MPZL1: variants seen among roughly 807,000 people sequenced by gnomAD.
MPZL1 encodes myelin protein zero-like protein 1.
A neutral mutation model predicts 29.3 loss-of-function variants in MPZL1; 16 were observed. The ratio of observed to expected loss-of-function variants is 0.55; its 90% CI spans 0.37 to 0.83. MPZL1 has a LOEUF of 0.83. Ranked by LOEUF, MPZL1 falls within the 40% of genes least tolerant of loss-of-function variation. The probability of loss-of-function intolerance (pLI) is 0.00; values close to 1 mark genes in which losing one functional copy is unlikely to be tolerated. For missense variants in MPZL1, 279 were observed against 332.9 expected (o/e 0.84, Z 1.26); for synonymous variants, 143 against 132.0 (o/e 1.08, Z -0.57).
rs1410990734 is a variant in MPZL1, at chr1:167,788,160, A to G, written c.*239A>G. On this transcript the variant is annotated 3_prime_UTR_variant, in exon 6 of 6. Transcript: ENST00000359523. Reference sequence around the variant, plus strand: ...ATGGTATGATTCTACATATGTACCCATTGTCTTGCTGTTTTTGTACTTTCT... The same window carrying G: ...ATGGTATGATTCTACATATGTACCCGTTGTCTTGCTGTTTTTGTACTTTCT... 2.5e-6 allele frequency: 1 copy of G among 396,094 alleles called. No homozygotes were observed. Among genetic ancestry groups the G allele is most frequent in the East Asian group, 4.0e-5 (1 of 24,716 alleles). 24.5% of individuals were successfully genotyped at this position (396,094 alleles called of 1,614,324 possible). A position where few individuals can be genotyped will look rare whatever the true frequency, so the allele number is the denominator to read the frequency against.
rs771709540 is a variant in MPZL1 at position 167,773,382 on chromosome 1, T to C, written c.605+14T>C. ...GGATTACACTGGGTAAGAAACACTG[T>C]TTTTTTAGGGCAGGGGTGGAGGGAG... On this transcript the variant is annotated intron_variant, in intron 4 of 5. Transcript: ENST00000359523. The C allele has an allele frequency of 1.2e-6, 2 of 1,606,916 alleles. No individual in the cohort carries two copies. Among genetic ancestry groups the C allele is most frequent in the East Asian group, 2.2e-5 (1 of 44,704 alleles).
At chr1:167,770,736 A>T (rs1374617657) in intron 2 of MPZL1, among the ~76,000 whole-genome samples, 1 of 152,188 alleles carries the variant, frequency 6.6e-6, no homozygotes, top group Non-Finnish European at 1.5e-5. Flanking sequence ...ATTGGCTTTG[A>T]AGACTCAGAT....
intron 5 of MPZL1, among the ~76,000 whole-genome samples, chr1:167,779,414 A>G (rs1473062701): frequency 6.6e-6 from 1 of 151,758 alleles, no homozygotes; most frequent in African/African-American, 2.4e-5. Context: ...GCAAAACCCC[A>G]TCTCTCCTAA....
chr1:167,729,350 T>C (rs1660219102), intron 1 of MPZL1, among the ~76,000 whole-genome samples: 1 of 152,114 alleles, frequency 6.6e-6, no homozygotes, highest in African/African-American at 2.4e-5. Flanking sequence ...GTTTACAATG[T>C]GGAGTTATAT....
intron 5 of MPZL1, among the ~76,000 whole-genome samples, chr1:167,785,554 G>A (rs1174317565): frequency 4.6e-5 from 7 of 152,178 alleles, no homozygotes; most frequent in African/African-American, 9.7e-5. Flanking sequence ...GCATTATGTT[G>A]CAAAGAGTAA....
intron 1 of MPZL1, among the ~76,000 whole-genome samples, chr1:167,728,562 A>G (rs140575974): frequency 0.011 from 1,647 of 151,890 alleles, 30 homozygotes; most frequent in African/African-American, 0.037. Flanking sequence ...TTCACTTAAC[A>G]ATTTTTTCTT....
At position 167,791,287 on chromosome 1, in the gene MPZL1, GGATGGAT is replaced by G. The variant is rs1435006191; in HGVS notation, c.*3369_*3375del. The stretch of plus-strand genomic sequence containing the variant: ...CTTAGCTGCTCAATACATGTTACGT[GGATGGAT>G]GAGTAGGTGGAAGCATTCATCCATT... On this transcript the variant is annotated 3_prime_UTR_variant, in exon 6 of 6. Coordinates refer to ENST00000359523, the MANE Select transcript of MPZL1 (RefSeq NM_003953.6). The G allele has an allele frequency of 6.6e-6, 1 of 152,214 alleles. No homozygotes were observed. The highest frequency in any genetic ancestry group is 1.5e-5 in the Non-Finnish European group (1 of 68,066). The allele number at this position is 152,214 out of a possible 1,614,324, so 9.4% of individuals were successfully genotyped here.
chr1:167,781,382 G>T (rs1661494198), intron 5 of MPZL1, among the ~76,000 whole-genome samples: 1 of 152,090 alleles, frequency 6.6e-6, no homozygotes, highest in African/African-American at 2.4e-5. Flanking sequence ...ATTTAAAAGG[G>T]TTGGAATCAT....
At chr1:167,739,282 C>CATATATATATATATATATATACATATAT (rs1660456828) in intron 1 of MPZL1, among the ~76,000 whole-genome samples, 1 of 90,440 alleles carries the variant, frequency 1.1e-5, no homozygotes, top group Admixed American at 1.1e-4. Context: ...TACATATATA[C>CATATATATATATATATATATACATATAT]ATATATATAT....
chr1:167,741,330 C>CTTTTT (rs57675541), intron 1 of MPZL1, among the ~76,000 whole-genome samples: 1 of 132,106 alleles, frequency 7.6e-6, no homozygotes, highest in African/African-American at 2.9e-5. Context: ...CCTGCAGTCA[C>CTTTTT]TTTTTTTTTT....
chr1:167,757,100 A>T (rs1416281072), intron 1 of MPZL1, among the ~76,000 whole-genome samples: 1 of 152,222 alleles, frequency 6.6e-6, no homozygotes, highest in African/African-American at 2.4e-5. Flanking sequence ...TGTGCCATCC[A>T]GCCAAGAGAG....
intron 5 of MPZL1, among the ~76,000 whole-genome samples, chr1:167,784,247 C>A (rs1405898652): frequency 6.6e-6 from 1 of 152,166 alleles, no homozygotes; most frequent in Non-Finnish European, 1.5e-5. Context: ...CAATGTGTTT[C>A]TTGAAACATT....
In MPZL1 at chr1:167,776,101, G is replaced by C. The variant is rs1199092196; in HGVS notation, c.643G>C (p.Ala215Pro). ...TSESLSPVKQ[A>P]PRKSPSDTEG... is the part of the protein sequence containing the mutation. ...AGAGAGTTTGTCACCAGTTAAGCAG[G>C]CTCCTCGGAAGTCCCCCTCCGACAC... is the stretch of plus-strand genomic sequence containing the variant. The change falls in exon 5 of 6, where the codon GCT becomes CCT. Residue 215 changes from alanine (A) to proline (P), a missense_variant. By Grantham distance (27) the Ala-to-Pro change is conservative (BLOSUM62 -1). Coordinates refer to ENST00000359523, the MANE Select transcript of MPZL1 (RefSeq NM_003953.6). The C allele has an allele frequency of 6.2e-7, 1 of 1,612,102 alleles. No homozygotes were observed. Among genetic ancestry groups the C allele is most frequent in the Non-Finnish European group, 8.5e-7 (1 of 1,178,924 alleles).
Position 167,722,203 on chromosome 1 carries a change from C to G in MPZL1, c.52C>G (p.Arg18Gly). The change falls in exon 1 of 6, where the codon CGC (arginine) becomes GGC (glycine). Residue 18 changes from arginine (R) to glycine (G), a missense_variant. Physicochemically the swap from Arg to Gly is moderately radical, Grantham distance 125. Coordinates refer to ENST00000359523, the MANE Select transcript of MPZL1 (RefSeq NM_003953.6). ...GAVIAAPDSR[R>G]WLWSVLAAAL... is the part of the protein sequence containing the mutation. ...GGTGATTGCAGCCCCAGACAGCCGG[C>G]GCTGGCTGTGGTCGGTGCTGGCGGC... 1.6e-6 allele frequency: 2 copies of G among 1,238,966 alleles called. No individual in the cohort carries two copies. The highest frequency in any genetic ancestry group is 2.0e-6 in the Non-Finnish European group (2 of 987,834). 76.7% of individuals were successfully genotyped at this position (1,238,966 alleles called of 1,614,324 possible).
chr1:167,734,331 C>A (rs985977574), intron 1 of MPZL1, among the ~76,000 whole-genome samples: 50 of 152,036 alleles, frequency 3.3e-4, no homozygotes, highest in African/African-American at 1.2e-3. Context: ...CATAGTAAGC[C>A]GAGGCAGGCC....
rs898108654 is a variant in MPZL1 at position 167,772,451 on chromosome 1, C to A, written c.435C>A (p.Val145=). The change falls in exon 3 of 6, where the codon GTC becomes GTA. Residue 145 remains valine (V), a synonymous_variant. Transcript: ENST00000359523. ...TCAAAAACCCTCCTGACATCGTTGTCCAGCCTGGACACATTAGGCTCTATG... is the reference window on the plus strand; with the variant it reads ...TCAAAAACCCTCCTGACATCGTTGTACAGCCTGGACACATTAGGCTCTATG... ...CDVKNPPDIV[V]QPGHIRLYVV... 1 of 1,614,024 alleles carries A rather than the reference C, an allele frequency of 6.2e-7. No homozygotes were observed. The highest frequency in any genetic ancestry group is 8.5e-7 in the Non-Finnish European group (1 of 1,180,004).
intron 5 of MPZL1, among the ~76,000 whole-genome samples, chr1:167,778,225 G>A (rs1661412797): frequency 6.6e-6 from 1 of 151,860 alleles, no homozygotes; most frequent in Non-Finnish European, 1.5e-5. Flanking sequence ...GGAGGCTGAG[G>A]CAGGAGAATC....
At chr1:167,739,310 C>CACATATATACATATAT (rs1660465597) in intron 1 of MPZL1, among the ~76,000 whole-genome samples, 2 of 101,374 alleles carry the variant, frequency 2.0e-5, no homozygotes, top group African/African-American at 1.0e-4. Context: ...TATATATATA[C>CACATATATACATATAT]ACATATATAT....
At chr1:167,735,231 T>C (rs966719166) in intron 1 of MPZL1, among the ~76,000 whole-genome samples, 1 of 152,236 alleles carries the variant, frequency 6.6e-6, no homozygotes, top group African/African-American at 2.4e-5. Context: ...AGGTATAGTA[T>C]ATGTGGTCAC....
Sources: allele counts gnomAD v4.1 joint callset (sites outside exome capture counted in the v4.1 genomes callset), GRCh38; gene constraint gnomAD v4.1.1; transcripts MANE v1.5; gene names NCBI Gene and HGNC (gene_info 2026-07-23, HGNC 2026-07-21).